Variants in DZANK1 observed in about 807,000 individuals in gnomAD.
DZANK1 encodes double zinc ribbon and ankyrin repeat-containing protein 1.
DZANK1 carries 91 observed loss-of-function variants against 94.5 expected under a neutral mutation model. The observed-to-expected ratio is 0.96, with a 90% CI of 0.81 to 1.15. The LOEUF is 1.15. Ranked by LOEUF, DZANK1 falls within the 50% of genes most tolerant of loss-of-function variation. The pLI is 0.00. For missense variants in DZANK1, 903 were observed against 916.4 expected (o/e 0.99, Z 0.19); for synonymous variants, 312 against 325.3 (o/e 0.96, Z 0.44).
chr20:18,447,248 A>G (rs725532), intron 7 of DZANK1, among the ~76,000 whole-genome samples: 125,915 of 151,900 alleles, frequency 0.83, 52,715 homozygotes, highest in South Asian at 0.96. Flanking sequence ...GGTTGAGGGG[A>G]GCAGATCACC....
At chr20:18,453,191 T>G (rs1410678239) in intron 5 of DZANK1, among the ~76,000 whole-genome samples, 1 of 152,188 alleles carries the variant, frequency 6.6e-6, no homozygotes, top group Non-Finnish European at 1.5e-5. Context: ...CATTCAACTC[T>G]TGCCTGGGGA....
intron 14 of DZANK1, 46 bp downstream of exon 14, chr20:18,398,477 C>A (rs1186480769): frequency 6.3e-7 from 1 of 1,579,340 alleles, no homozygotes; most frequent in South Asian, 1.1e-5. Context: ...GTTCCTTCAG[C>A]CTGATCCCGT....
chr20:18,440,702 C>T (rs6111961), intron 8 of DZANK1, among the ~76,000 whole-genome samples: 67,096 of 151,920 alleles, frequency 0.44, 15,648 homozygotes, highest in Non-Finnish European at 0.52. Context: ...TTCAAGAAAA[C>T]GAAGGCTGGT....
intron 8 of DZANK1, among the ~76,000 whole-genome samples, chr20:18,436,947 C>T (rs2058547776): frequency 6.6e-6 from 1 of 152,120 alleles, no homozygotes; most frequent in African/African-American, 2.4e-5. Flanking sequence ...AACCATCCTT[C>T]AAAAATGAAG....
chr20:18,389,447 T>C (rs1053860587), intron 19 of DZANK1, among the ~76,000 whole-genome samples: 17 of 152,248 alleles, frequency 1.1e-4, no homozygotes, highest in Admixed American at 3.3e-4. Context: ...TATAAGTTTA[T>C]GAATTAACAA....
chr20:18,389,596 G>T lies in DZANK1; in HGVS notation c.2018+105C>A. 4 of 1,464,994 alleles carry T rather than the reference G, an allele frequency of 2.7e-6. No individual in the cohort carries two copies. In the South Asian group the frequency reaches 4.0e-5, roughly 15 times the overall value. 90.7% of individuals were successfully genotyped at this position (1,464,994 alleles called of 1,614,324 possible). On this transcript the variant is annotated intron_variant, in intron 19 of 20. Coordinates refer to ENST00000262547, the Ensembl canonical transcript of DZANK1. ...GAAATAGGTTAAAATGGTTAAAGTGGCTGAAACTGAACAGGGTGTGTGTGT... is the reference window on the plus strand; with the variant it reads ...GAAATAGGTTAAAATGGTTAAAGTGTCTGAAACTGAACAGGGTGTGTGTGT...
Position 18,445,424 on chromosome 20 carries a change from G to C in DZANK1, c.630-1960C>G, listed in dbSNP as rs539464661. ...TTTCAATACTGCTTTTTCAATAACT[G>C]ATTACATGATAAACAGAAAATCAGT... On this transcript the variant is annotated intron_variant, in intron 7 of 20. Coordinates refer to ENST00000262547, the Ensembl canonical transcript of DZANK1. Among the ~76,000 whole-genome samples the C allele has an allele frequency of 3.9e-5, 6 of 152,258 alleles. No individual in the cohort carries two copies. The South Asian group carries it at 1.2e-3, about 32-fold the overall frequency.
At chr20:18,416,243 C>A (rs979341205) in intron 10 of DZANK1, among the ~76,000 whole-genome samples, 2 of 152,194 alleles carry the variant, frequency 1.3e-5, no homozygotes, top group African/African-American at 2.4e-5. Flanking sequence ...TGACTCCATA[C>A]AGCCCCTTCA....
At chr20:18,439,444 G>A (rs2148664488) in intron 8 of DZANK1, among the ~76,000 whole-genome samples, 1 of 152,266 alleles carries the variant, frequency 6.6e-6, no homozygotes, top group Middle Eastern at 3.4e-3. Flanking sequence ...ACATGACCTA[G>A]CATTTTTCAA....
At chr20:18,420,126 T>A (rs1166604624) in intron 10 of DZANK1, 1 of 168,366 alleles carries the variant, frequency 5.9e-6, no homozygotes. Flanking sequence ...ATTTTGTGCA[T>A]CCTTCTTCTT....
intron 7 of DZANK1, among the ~76,000 whole-genome samples, chr20:18,447,802 A>C (rs1302530316): frequency 6.6e-6 from 1 of 152,176 alleles, no homozygotes; most frequent in Non-Finnish European, 1.5e-5. Flanking sequence ...AAATAAAAAT[A>C]AAAGTTAGTA....
chr20:18,456,643 A>G (rs367811410), intron 3 of DZANK1, among the ~76,000 whole-genome samples: 6 of 152,188 alleles, frequency 3.9e-5, no homozygotes, highest in East Asian at 3.9e-4. Context: ...TTTTCTAGAA[A>G]TTTAACATAA....
Position 18,436,360 on chromosome 20 carries a change from C to T in DZANK1, c.748-2595G>A, listed in dbSNP as rs376655692. Among the ~76,000 whole-genome samples the T allele has an allele frequency of 6.5e-4, 97 of 149,434 alleles. 1 individual carries two copies. In the South Asian group the frequency reaches 0.02, roughly 31 times the overall value. On this transcript the variant is annotated intron_variant, in intron 8 of 20. Transcript: ENST00000262547. The stretch of plus-strand genomic sequence containing the variant: ...TTGGGAGGCTGAGGCAGGAGAATGG[C>T]GTGAACCCGGGAGGCGGAGCTTGCA...
At chr20:18,427,764 G>A (rs2058107743) in intron 9 of DZANK1, among the ~76,000 whole-genome samples, 1 of 152,080 alleles carries the variant, frequency 6.6e-6, no homozygotes. Context: ...TCTTGGACTT[G>A]GGTTTACCCT....
chr20:18,431,996 T>C (rs927956276), intron 9 of DZANK1, among the ~76,000 whole-genome samples: 12 of 152,222 alleles, frequency 7.9e-5, no homozygotes, highest in African/African-American at 2.9e-4. Context: ...CTTATAAAAA[T>C]TGCCCTGCAA....
At position 18,415,310 on chromosome 20, in the gene DZANK1, A is replaced by G. The variant is rs767362091; in HGVS notation, c.1077+17T>C. 13 of 1,519,624 alleles carry G rather than the reference A, an allele frequency of 8.6e-6. No homozygotes were observed. The highest frequency in any genetic ancestry group is 7.1e-6 in the Non-Finnish European group (8 of 1,128,362). 94.1% of individuals were successfully genotyped at this position (1,519,624 alleles called of 1,614,324 possible). A position where few individuals can be genotyped will look rare whatever the true frequency, so the allele number is the denominator to read the frequency against. ...TGAGGTGCTCAGTATACAGAATCTC[A>G]GTTTTAAAATACCCACCATGGCTCC... On this transcript the variant is annotated intron_variant, in intron 11 of 20. Transcript: ENST00000262547.
At chr20:18,449,167 G>GTATTCACCCATAA in intron 6 of DZANK1, 98 bp from the exon 7 acceptor site, 9 of 957,456 alleles carry the variant, frequency 9.4e-6, no homozygotes, top group East Asian at 2.4e-5. Context: ...ATCATTATGG[G>GTATTCACCCATAA]TGAATACACA....
intron 4 of DZANK1, chr20:18,454,073 G>A (rs2059200827): frequency 1.7e-6 from 1 of 586,010 alleles, no homozygotes; most frequent in Non-Finnish European, 3.2e-6. Flanking sequence ...AGGAGGCAGG[G>A]AGCAGCACAT....
At chr20:18,386,058 G>A (rs1217181379) in intron 19 of DZANK1, among the ~76,000 whole-genome samples, 2 of 152,136 alleles carry the variant, frequency 1.3e-5, no homozygotes, top group Non-Finnish European at 2.9e-5. Flanking sequence ...TTGACGGTCT[G>A]AACTCTCTCT....
Sources: gnomAD v4.1 joint callset for allele counts (sites outside exome capture counted in the v4.1 genomes callset) on GRCh38, gnomAD v4.1.1 for gene constraint, MANE v1.5 for transcripts, NCBI Gene and HGNC (gene_info 2026-07-23, HGNC 2026-07-21) for gene names.